Variants in VPS13D observed in about 807,000 individuals in gnomAD.
The protein encoded by VPS13D is intermembrane lipid transfer protein VPS13D.
Under a neutral mutation model 461.9 loss-of-function variants are expected in VPS13D, and 187 were observed. The observed-to-expected ratio is 0.40, with a 90% CI of 0.36 to 0.46. The LOEUF is 0.46. Ranked by LOEUF, VPS13D falls within the 20% of genes least tolerant of loss-of-function variation. The pLI is 0.60. For missense variants in VPS13D, 4,711 were observed against 5,364.9 expected, an observed-to-expected ratio of 0.88 and a Z score of 3.81; for synonymous variants, 1,951 against 1,986.3, an observed-to-expected ratio of 0.98 and a Z score of 0.47.
At chr1:12,461,840 C>T (rs567925699) in intron 67 of VPS13D, among the ~76,000 whole-genome samples, 9 of 152,270 alleles carry the variant, frequency 5.9e-5, no homozygotes, top group African/African-American at 1.9e-4. Context: ...GAGAAAGAAA[C>T]GGCTTGAATT....
chr1:12,249,462 G>C, intron 6 of VPS13D, 123 bp downstream of exon 6: 1 of 680,706 alleles, frequency 1.5e-6, no homozygotes, highest in Non-Finnish European at 2.4e-6. Flanking sequence ...TTCTGTGATA[G>C]GCATGGGTGT....
At chr1:12,251,973 C>G (rs1293247224) in intron 6 of VPS13D, among the ~76,000 whole-genome samples, 1 of 152,044 alleles carries the variant, frequency 6.6e-6, no homozygotes, top group Non-Finnish European at 1.5e-5. Flanking sequence ...AGAAACCGTC[C>G]CATGCGTCTC....
chr1:12,440,788 A>G (rs1037181659), intron 65 of VPS13D, among the ~76,000 whole-genome samples: 17 of 149,264 alleles, frequency 1.1e-4, no homozygotes, highest in African/African-American at 3.9e-4. Flanking sequence ...AGGCGTGACA[A>G]TCACTTGAGT....
At chr1:12,349,429 A>C (rs1460508241) in intron 46 of VPS13D, 55 bp downstream of exon 46, 1 of 1,499,384 alleles carries the variant, frequency 6.7e-7, no homozygotes, top group Non-Finnish European at 9.2e-7. Context: ...TTTCTTTTGG[A>C]ATGACTATTA....
rs1643598314 is a variant in VPS13D, at chr1:12,342,772, T to C, written c.8733-127T>C. The C allele has an allele frequency of 3.7e-6, 4 of 1,088,778 alleles. No homozygotes were observed. The Admixed American group carries it at 8.0e-5, about 22-fold the overall frequency. The allele number at this position is 1,088,778 out of a possible 1,614,324, so 67.4% of individuals were successfully genotyped here. On this transcript the variant is annotated intron_variant, in intron 41 of 69. Transcript: ENST00000620676. ...GACCCTCAAGGTCATTCTTTGTAGC[T>C]AGGTCATGCAGCCTTTTATTGCTGG... is the stretch of plus-strand genomic sequence containing the variant.
chr1:12,276,850 AGT>A lies in VPS13D; in HGVS notation c.3263_3264del (p.Ser1088IlefsTer21), dbSNP rs1641630323. ...SLIKLEYQFV[S>X]SECPSMNLDS... is the part of the protein sequence containing the mutation. The stretch of plus-strand genomic sequence containing the variant: ...TATTAAGTTGGAATATCAGTTTGTG[AGT>A]TCAGAGTGCCCATCGATGAATTTAG... On this transcript the variant is annotated frameshift_variant, in exon 19 of 70. Transcript: ENST00000620676. LOFTEE classifies it high-confidence loss of function. This position sits in a 1 kb window ranked among gnomAD's most constrained non-coding sequence, Gnocchi z 4.5. The A allele has an allele frequency of 6.2e-7, 1 of 1,614,018 alleles. No individual in the cohort carries two copies. Among genetic ancestry groups the A allele is most frequent in the Non-Finnish European group, 8.5e-7 (1 of 1,180,038 alleles).
chr1:12,345,320 T>C (rs1017757940), intron 42 of VPS13D, 54 bp from the exon 43 acceptor site: 1 of 1,552,560 alleles, frequency 6.4e-7, no homozygotes, highest in East Asian at 2.3e-5. Flanking sequence ...GCTTCTACTT[T>C]TCATCCCTTC....
In VPS13D at chr1:12,319,569, T is replaced by C. The variant is rs902755394; in HGVS notation, c.7487T>C (p.Val2496Ala). Reference sequence around the variant, plus strand: ...GCCATTATTCTGAAAGGCACCACAGTGCTCACCTATAAGCCCCGGTTTGTT... The same window carrying C: ...GCCATTATTCTGAAAGGCACCACAGCGCTCACCTATAAGCCCCGGTTTGTT... ...TNAIILKGTT[V>A]LTYKPRFVDR... The change falls in exon 32 of 70, where the codon GTG (valine) becomes GCG (alanine). Residue 2496 changes from valine (V) to alanine (A), a missense_variant. Physicochemically the swap from Val to Ala is moderately conservative, Grantham distance 64. This residue lies in a region of VPS13D where 4,411 missense variants were observed against 4,937.8 expected (regional missense o/e 0.89). Coordinates refer to ENST00000620676, the MANE Select transcript of VPS13D (RefSeq NM_015378.4). The C allele has an allele frequency of 6.2e-7, 1 of 1,614,222 alleles. No homozygotes were observed. Among genetic ancestry groups the C allele is most frequent in the African/African-American group, 1.3e-5 (1 of 75,056 alleles).
chr1:12,244,114 G>A, intron 3 of VPS13D, 132 bp from the exon 4 acceptor site: 1 of 828,992 alleles, frequency 1.2e-6, no homozygotes, highest in Non-Finnish European at 1.8e-6. Flanking sequence ...AGAGCCTGCT[G>A]CCTGTTGTTT....
intron 30 of VPS13D, among the ~76,000 whole-genome samples, chr1:12,315,841 T>C (rs1265002514): frequency 6.6e-6 from 1 of 151,892 alleles, no homozygotes; most frequent in Non-Finnish European, 1.5e-5. Context: ...TTTTGAGACG[T>C]AGTCTCACTC....
In VPS13D at chr1:12,299,132, AC is replaced by A. The variant is rs1642353920; in HGVS notation, c.6034-68del. ...TTATAAACTCACGAAACTTTTGGGA[AC>A]CTGAGGTTATTTGGTGGTAAAATTA... On this transcript the variant is annotated intron_variant, in intron 24 of 69. Coordinates refer to ENST00000620676, the MANE Select transcript of VPS13D (RefSeq NM_015378.4). This position sits in a 1 kb window ranked among gnomAD's most constrained non-coding sequence, Gnocchi z 4.2. 1 of 1,450,566 alleles carries A rather than the reference AC, an allele frequency of 6.9e-7. No homozygotes were observed. The highest frequency in any genetic ancestry group is 1.4e-5 in the African/African-American group (1 of 70,080). The allele number at this position is 1,450,566 out of a possible 1,614,324, so 89.9% of individuals were successfully genotyped here.
At chr1:12,353,397 G>A (rs1442946138) in intron 46 of VPS13D, among the ~76,000 whole-genome samples, 1 of 151,946 alleles carries the variant, frequency 6.6e-6, no homozygotes, top group Non-Finnish European at 1.5e-5. Flanking sequence ...GCTGGACGTG[G>A]TGGTGGTCGC....
chr1:12,321,328 T>A (rs542768307), intron 32 of VPS13D, among the ~76,000 whole-genome samples: 1 of 152,316 alleles, frequency 6.6e-6, no homozygotes, highest in South Asian at 2.1e-4. Flanking sequence ...GGTGTGTTTC[T>A]TTCCTTAAAG....
At chr1:12,323,982 C>T (rs1258621377) in intron 35 of VPS13D, among the ~76,000 whole-genome samples, 1 of 152,148 alleles carries the variant, frequency 6.6e-6, no homozygotes. Flanking sequence ...CACCTCAGCT[C>T]ACTGCAACCT....
In VPS13D at chr1:12,308,575, A is replaced by T; in HGVS notation, c.6584A>T (p.Gln2195Leu). Residue 2195 changes from glutamine to leucine, a missense_variant, in exon 27 of 70, where the codon CAG becomes CTG. Physicochemically the swap from Gln to Leu is moderately radical, Grantham distance 113. Transcript: ENST00000620676. ...ATCTTCCCTTCCTATTTTGTGCGAC[A>T]GACAGGAGGAAGCCTCTTAACCGAG... ...DLIFPSYFVR[Q>L]TGGSLLTEPC... 6.2e-7 allele frequency: 1 copy of T among 1,614,034 alleles called. No individual in the cohort carries two copies. The highest frequency in any genetic ancestry group is 8.5e-7 in the Non-Finnish European group (1 of 1,180,006).
intron 67 of VPS13D, among the ~76,000 whole-genome samples, chr1:12,479,625 G>C (rs1645686565): frequency 6.6e-6 from 1 of 152,204 alleles, no homozygotes; most frequent in Non-Finnish European, 1.5e-5. Context: ...AAGGGAACCA[G>C]AATGTGGACC....
chr1:12,506,489 CT>C (rs920184138), intron 68 of VPS13D, among the ~76,000 whole-genome samples: 2 of 152,180 alleles, frequency 1.3e-5, no homozygotes, highest in Non-Finnish European at 2.9e-5. Context: ...TTTAATTCTG[CT>C]TTTCCCCCCT....
chr1:12,368,533 T>TA lies in VPS13D; in HGVS notation c.10514_10515insA (p.Ser3506LeufsTer3). On this transcript the variant is annotated frameshift_variant, in exon 53 of 70. Coordinates refer to ENST00000620676, the MANE Select transcript of VPS13D (RefSeq NM_015378.4). LOFTEE classifies it high-confidence loss of function. Reference sequence around the variant, plus strand: ...ACTCTCCGAGGAGCTACGTATAGGATCTCATTTAGTGACACAGATCAGTTA... The same window carrying TA: ...ACTCTCCGAGGAGCTACGTATAGGATACTCATTTAGTGACACAGATCAGTTA... 5 of 1,613,984 alleles carry TA rather than the reference T, an allele frequency of 3.1e-6. No homozygotes were observed. The highest frequency in any genetic ancestry group is 4.2e-6 in the Non-Finnish European group (5 of 1,179,928).
chr1:12,246,045 G>A (rs1640540897), intron 5 of VPS13D, among the ~76,000 whole-genome samples: 1 of 152,246 alleles, frequency 6.6e-6, no homozygotes, highest in South Asian at 2.1e-4. Flanking sequence ...ACTACTGACA[G>A]TAGAGGAAAG....
Sources: allele counts gnomAD v4.1 joint callset (sites outside exome capture counted in the v4.1 genomes callset), GRCh38; gene constraint gnomAD v4.1.1; regional missense constraint gnomAD v4.1.1; non-coding constraint Gnocchi (gnomAD v3.1); transcripts MANE v1.5; gene names NCBI Gene and HGNC (gene_info 2026-07-23, HGNC 2026-07-21).